ZCCHC14: variants seen among roughly 807,000 people sequenced by gnomAD.
ZCCHC14 encodes zinc finger CCHC domain-containing protein 14.
ZCCHC14 carries 16 observed loss-of-function variants against 85.0 expected under a neutral mutation model. The observed-to-expected ratio is 0.19, with a 90% CI of 0.13 to 0.29. ZCCHC14 has a LOEUF of 0.29. Ranked by LOEUF, ZCCHC14 falls within the 10% of genes least tolerant of loss-of-function variation. The pLI is 1.00. For synonymous variants in ZCCHC14, 775 were observed against 630.7 expected (o/e 1.23, Z -3.43); for missense variants, 1,303 against 1,443.5 (o/e 0.90, Z 1.58).
chr16:87,482,398 GAGA>G, intron 1 of ZCCHC14, among the ~76,000 whole-genome samples: 1 of 152,338 alleles, frequency 6.6e-6, no homozygotes, highest in African/African-American at 2.4e-5. Context: ...CAAATGTCCA[GAGA>G]AGAGGAAAAC....
At chr16:87,449,978 G>A (rs879719090) in intron 2 of ZCCHC14, among the ~76,000 whole-genome samples, 4 of 152,206 alleles carry the variant, frequency 2.6e-5, no homozygotes, top group Non-Finnish European at 5.9e-5. Flanking sequence ...CCCAGAGGTC[G>A]AGGCTGCACT....
intron 1 of ZCCHC14, among the ~76,000 whole-genome samples, chr16:87,465,946 G>A (rs1911498764): frequency 6.6e-6 from 1 of 152,156 alleles, no homozygotes; most frequent in South Asian, 2.1e-4. Flanking sequence ...GAGCCACCGA[G>A]CCCGGTCTCC....
At chr16:87,443,506 CAGA>C (rs1910283761) in intron 2 of ZCCHC14, among the ~76,000 whole-genome samples, 2 of 152,148 alleles carry the variant, frequency 1.3e-5, no homozygotes, top group Admixed American at 1.3e-4. Flanking sequence ...GAGGCCAAGG[CAGA>C]AGAACTGCCT....
chr16:87,415,244 A>T (rs755923917), intron 9 of ZCCHC14, 32 bp downstream of exon 9: 2 of 1,604,132 alleles, frequency 1.2e-6, no homozygotes, highest in East Asian at 4.5e-5. Context: ...AATGGAAATA[A>T]ACACAGGTTT....
At chr16:87,459,488 G>C (rs997977311) in intron 2 of ZCCHC14, among the ~76,000 whole-genome samples, 2 of 150,666 alleles carry the variant, frequency 1.3e-5, no homozygotes, top group Non-Finnish European at 3.0e-5. Flanking sequence ...GGGATTACAA[G>C]CGTGCACCAC....
At chr16:87,425,747 G>A (rs1023127634) in intron 3 of ZCCHC14, among the ~76,000 whole-genome samples, 3 of 152,118 alleles carry the variant, frequency 2.0e-5, no homozygotes, top group East Asian at 1.9e-4. Flanking sequence ...AACCCCTGCC[G>A]TGAAGATGGC....
At chr16:87,423,902 C>G in intron 3 of ZCCHC14, 21 bp from the exon 4 acceptor site, 2 of 1,612,826 alleles carry the variant, frequency 1.2e-6, no homozygotes, top group Non-Finnish European at 1.7e-6. Context: ...AACAAACAAA[C>G]AAACCTTAGA....
rs1909049222 is a variant in ZCCHC14, at chr16:87,420,678, G to A, written c.879C>T (p.Leu293=). Residue 293 remains leucine (L), a synonymous_variant, in exon 5 of 13, where the codon CTC becomes CTT. Transcript: ENST00000671377. This position sits in a 1 kb window ranked among gnomAD's most constrained non-coding sequence, Gnocchi z 5.0. The part of the protein sequence containing the change: ...QLYPEENLEK[L]IPCLAGPDAF... ...CGTCCGGACCAGCTAAGCAAGGAAT[G>A]AGTTTCTCCAAGTTCTCTTCAGGAT... The A allele has an allele frequency of 3.1e-6, 5 of 1,613,738 alleles. No individual in the cohort carries two copies. In the South Asian group the frequency reaches 4.4e-5, roughly 14 times the overall value.
At chr16:87,410,456 C>T (rs1908379944) in intron 12 of ZCCHC14, 121 bp from the exon 13 acceptor site, 3 of 555,810 alleles carry the variant, frequency 5.4e-6, no homozygotes, top group African/African-American at 3.9e-5. Context: ...ATCTAGGCCA[C>T]CCATCCTGAC....
rs1908372479 is a variant in ZCCHC14, at chr16:87,410,264, T to A, written c.*16A>T. ...GTCTCCATGGCTTAATAACGTTCTGTTGCCAGAGAAAAATATCAATCTGTG... is the reference window on the plus strand; with the variant it reads ...GTCTCCATGGCTTAATAACGTTCTGATGCCAGAGAAAAATATCAATCTGTG... On this transcript the variant is annotated 3_prime_UTR_variant, in exon 13 of 13. Transcript: ENST00000671377. 1 of 765,746 alleles carries A rather than the reference T, an allele frequency of 1.3e-6. No homozygotes were observed. The highest frequency in any genetic ancestry group is 1.7e-5 in the African/African-American group (1 of 58,092). 47.4% of individuals were successfully genotyped at this position (765,746 alleles called of 1,614,324 possible). A position where few individuals can be genotyped will look rare whatever the true frequency, so the allele number is the denominator to read the frequency against.
At chr16:87,431,345 C>T (rs1331818990) in intron 3 of ZCCHC14, among the ~76,000 whole-genome samples, 1 of 151,334 alleles carries the variant, frequency 6.6e-6, no homozygotes, top group Admixed American at 6.6e-5. Flanking sequence ...TGGTGGCGGG[C>T]ACCTGTAGTC....
intron 2 of ZCCHC14, 107 bp from the exon 3 acceptor site, chr16:87,433,308 C>T: frequency 9.7e-7 from 1 of 1,031,500 alleles, no homozygotes; most frequent in South Asian, 1.5e-5. Context: ...TCTCAGCACC[C>T]AAGGCTGTCC....
chr16:87,450,328 A>C (rs908288713), intron 2 of ZCCHC14, among the ~76,000 whole-genome samples: 2 of 152,206 alleles, frequency 1.3e-5, no homozygotes, highest in Non-Finnish European at 2.9e-5. Context: ...TAATTTCTAG[A>C]AGCATTACCT....
At chr16:87,426,907 C>A (rs1229379561) in intron 3 of ZCCHC14, among the ~76,000 whole-genome samples, 1 of 152,222 alleles carries the variant, frequency 6.6e-6, no homozygotes, top group Admixed American at 6.5e-5. Flanking sequence ...CCCAAGAGTT[C>A]TCTGAAATGA....
At position 87,412,203 on chromosome 16, in the gene ZCCHC14, T is replaced by C. The variant is rs1425057781; in HGVS notation, c.2518A>G (p.Asn840Asp). The C allele has an allele frequency of 2.5e-6, 4 of 1,613,820 alleles. No homozygotes were observed. Among genetic ancestry groups the C allele is most frequent in the African/African-American group, 1.3e-5 (1 of 74,904 alleles). The change falls in exon 12 of 13, where the codon AAC (asparagine) becomes GAC (aspartate). Residue 840 changes from asparagine to aspartate, a missense_variant. By Grantham distance (23) the Asn-to-Asp change is conservative. Around this residue, in one of 7 missense-constraint regions of ZCCHC14, gnomAD observed 797 missense variants for 730.8 expected, o/e 1.09. Coordinates refer to ENST00000671377, the MANE Select transcript of ZCCHC14 (RefSeq NM_015144.3). ...VGPLQGGFCA[N>D]SNTASPSSHP... ...CTGCTGGGAGAGGCAGTGTTGCTGTTTGCACAGAAGCCACCCTGCAGGGGG... is the reference window on the plus strand; with the variant it reads ...CTGCTGGGAGAGGCAGTGTTGCTGTCTGCACAGAAGCCACCCTGCAGGGGG...
chr16:87,417,754 G>C lies in ZCCHC14; in HGVS notation c.1101-12C>G, dbSNP rs768500170. 1.3e-6 allele frequency: 2 copies of C among 1,567,416 alleles called. No individual in the cohort carries two copies. Among genetic ancestry groups the C allele is most frequent in the African/African-American group, 2.7e-5 (2 of 74,136 alleles). On this transcript the variant is annotated splice_polypyrimidine_tract_variant and intron_variant, in intron 7 of 12. Coordinates refer to ENST00000671377, the MANE Select transcript of ZCCHC14 (RefSeq NM_015144.3). ...CTCCACACACAGGCCTGTGGGACAG[G>C]GGCAGGAGGGACACAGAGAGACTGT... is the stretch of plus-strand genomic sequence containing the variant.
intron 12 of ZCCHC14, 113 bp downstream of exon 12, chr16:87,411,403 T>C: frequency 6.6e-7 from 1 of 1,525,402 alleles, no homozygotes; most frequent in East Asian, 2.3e-5. Context: ...TCAAAGAGCA[T>C]TCGAAAAATT....
chr16:87,448,824 G>A (rs552498601), intron 2 of ZCCHC14, among the ~76,000 whole-genome samples: 2 of 152,298 alleles, frequency 1.3e-5, no homozygotes, highest in East Asian at 3.9e-4. Context: ...CTTTGCAGTA[G>A]TCTGAATTCT....
intron 2 of ZCCHC14, among the ~76,000 whole-genome samples, chr16:87,448,496 T>A (rs1473997442): frequency 6.6e-6 from 1 of 152,188 alleles, no homozygotes; most frequent in Non-Finnish European, 1.5e-5. Context: ...GTACTGAACA[T>A]GCTCCTTCCT....
Sources: allele counts gnomAD v4.1 joint callset (sites outside exome capture counted in the v4.1 genomes callset), GRCh38; gene constraint gnomAD v4.1.1; regional missense constraint gnomAD v4.1.1; non-coding constraint Gnocchi (gnomAD v3.1); transcripts MANE v1.5; gene names NCBI Gene and HGNC (gene_info 2026-07-23, HGNC 2026-07-21).